GARNL3: variants seen among roughly 807,000 people sequenced by gnomAD.
GARNL3 encodes the protein GTPase-activating Rap/Ran-GAP domain-like protein 3.
A neutral mutation model predicts 125.0 loss-of-function variants in GARNL3; 63 were observed. That is an observed-to-expected ratio of 0.50 (90% CI 0.41 to 0.62). The LOEUF (loss-of-function observed/expected upper bound fraction) is 0.62. Ranked by LOEUF, GARNL3 falls within the 20% of genes least tolerant of loss-of-function variation. The probability of loss-of-function intolerance (pLI) is 0.00; values close to 1 mark genes in which losing one functional copy is unlikely to be tolerated. For missense variants in GARNL3, 994 were observed against 1,244.0 expected, an observed-to-expected ratio of 0.80 and a Z score of 3.02; for synonymous variants, 439 against 457.5, an observed-to-expected ratio of 0.96 and a Z score of 0.52.
At chr9:127,388,082 G>C (rs889819829) in intron 25 of GARNL3, among the ~76,000 whole-genome samples, 2 of 152,116 alleles carry the variant, frequency 1.3e-5, no homozygotes, top group Admixed American at 6.5e-5. Flanking sequence ...GGAGGTCAAG[G>C]CTGCATTGAG....
intron 1 of GARNL3, among the ~76,000 whole-genome samples, chr9:127,238,636 C>G (rs550578834): frequency 6.6e-6 from 1 of 152,358 alleles, no homozygotes; most frequent in Non-Finnish European, 1.5e-5. Flanking sequence ...CACTTCCACA[C>G]TGAATCATCC....
At chr9:127,309,787 C>T (rs1414769470) in intron 2 of GARNL3, among the ~76,000 whole-genome samples, 5 of 152,094 alleles carry the variant, frequency 3.3e-5, no homozygotes, top group Non-Finnish European at 5.9e-5. Context: ...TGAGAAAAGC[C>T]TCTTTGTAAA....
chr9:127,284,773 T>C (rs552145391), intron 1 of GARNL3, among the ~76,000 whole-genome samples: 1 of 151,364 alleles, frequency 6.6e-6, no homozygotes, highest in African/African-American at 2.4e-5. Context: ...ATAAATAAAT[T>C]TATACATGCA....
intron 16 of GARNL3, among the ~76,000 whole-genome samples, chr9:127,345,909 G>A (rs967894589): frequency 6.6e-6 from 1 of 152,228 alleles, no homozygotes; most frequent in East Asian, 1.9e-4. Context: ...CCTGGGCAGT[G>A]CTGCTCAAGC....
At chr9:127,301,557 A>G (rs1395474213) in intron 2 of GARNL3, among the ~76,000 whole-genome samples, 2 of 152,168 alleles carry the variant, frequency 1.3e-5, no homozygotes, top group Non-Finnish European at 2.9e-5. Flanking sequence ...CCTTCCTTAT[A>G]CCATCTGAGC....
At chr9:127,354,837 G>A (rs543957002) in intron 19 of GARNL3, among the ~76,000 whole-genome samples, 1 of 152,286 alleles carries the variant, frequency 6.6e-6, no homozygotes, top group African/African-American at 2.4e-5. Flanking sequence ...TTGTTGCCCA[G>A]GCTGGAGTGC....
At chr9:127,380,437 C>A (rs1832188376) in intron 22 of GARNL3, among the ~76,000 whole-genome samples, 1 of 151,880 alleles carries the variant, frequency 6.6e-6, no homozygotes, top group South Asian at 2.1e-4. Context: ...TACATATAAC[C>A]CAGCAATCTA....
chr9:127,341,839 G>T (rs1829875578), intron 13 of GARNL3, among the ~76,000 whole-genome samples: 1 of 152,200 alleles, frequency 6.6e-6, no homozygotes, highest in Non-Finnish European at 1.5e-5. Flanking sequence ...GAAGAATGCA[G>T]GCTCAAGGTG....
chr9:127,354,250 A>T, intron 18 of GARNL3, 44 bp from the exon 19 acceptor site: 2 of 1,489,922 alleles, frequency 1.3e-6, no homozygotes, highest in Non-Finnish European at 9.3e-7. Flanking sequence ...AGGTTACCTT[A>T]CTTTTCCATT....
chr9:127,330,001 A>G (rs1370917139), intron 7 of GARNL3, among the ~76,000 whole-genome samples: 1 of 152,102 alleles, frequency 6.6e-6, no homozygotes, highest in Non-Finnish European at 1.5e-5. Context: ...TCTTTAGTCT[A>G]GTGGTTCTCA....
intron 1 of GARNL3, among the ~76,000 whole-genome samples, chr9:127,267,178 G>A (rs557482501): frequency 2.6e-5 from 4 of 152,208 alleles, no homozygotes; most frequent in Admixed American, 6.5e-5. Flanking sequence ...TTGACCAAAC[G>A]TTCTTCAATC....
intron 2 of GARNL3, among the ~76,000 whole-genome samples, chr9:127,258,003 C>T (rs1220566514): frequency 6.6e-6 from 1 of 151,662 alleles, no homozygotes; most frequent in East Asian, 1.9e-4. Flanking sequence ...GTTTTAACCC[C>T]CTGTTGCAAT....
At position 127,311,648 on chromosome 9, in the gene GARNL3, C is replaced by G; in HGVS notation, c.232C>G (p.Leu78Val). The G allele has an allele frequency of 6.2e-7, 1 of 1,613,334 alleles. No individual in the cohort carries two copies. The highest frequency in any genetic ancestry group is 8.5e-7 in the Non-Finnish European group (1 of 1,179,274). ...NGSSDENATA[L>V]PGTWRRTDVH... ...TGTTCCATTACAGAATGCAACTGCCCTGCCTGGTACTTGGCGAAGAACAGA... is the reference window on the plus strand; with the variant it reads ...TGTTCCATTACAGAATGCAACTGCCGTGCCTGGTACTTGGCGAAGAACAGA... The change falls in exon 3 of 28, where the codon CTG (leucine) becomes GTG (valine). Residue 78 changes from leucine (L) to valine (V), a missense_variant. Around this residue, in one of 5 missense-constraint regions of GARNL3, gnomAD observed 139 missense variants for 231.6 expected, o/e 0.60. Coordinates refer to ENST00000373387, the MANE Select transcript of GARNL3 (RefSeq NM_032293.5).
intron 2 of GARNL3, among the ~76,000 whole-genome samples, chr9:127,247,682 G>A (rs901296577): frequency 4.6e-5 from 7 of 152,038 alleles, no homozygotes; most frequent in Non-Finnish European, 8.8e-5. Context: ...TATGGGATAC[G>A]TGAGATATTT....
At chr9:127,347,450 G>A (rs1032471585) in intron 16 of GARNL3, among the ~76,000 whole-genome samples, 22 of 152,108 alleles carry the variant, frequency 1.4e-4, no homozygotes, top group Admixed American at 1.2e-3. Context: ...AGGTAAAATG[G>A]CATATATATG....
At chr9:127,293,531 T>C (rs754836798) in intron 2 of GARNL3, among the ~76,000 whole-genome samples, 5 of 152,224 alleles carry the variant, frequency 3.3e-5, no homozygotes, top group Non-Finnish European at 5.9e-5. Context: ...CGAGAAACCA[T>C]TGCCTAATCC....
intron 22 of GARNL3, among the ~76,000 whole-genome samples, chr9:127,380,635 G>A (rs985702864): frequency 6.6e-6 from 1 of 152,168 alleles, no homozygotes; most frequent in African/African-American, 2.4e-5. Context: ...TGACACATGG[G>A]TGAGCCTCGA....
intron 22 of GARNL3, among the ~76,000 whole-genome samples, chr9:127,377,128 G>A (rs1300932106): frequency 6.6e-6 from 1 of 152,196 alleles, no homozygotes. Flanking sequence ...CATGAAGGAT[G>A]ATTATTTCTT....
chr9:127,231,235 T>TTG (rs1456328308), intron 1 of GARNL3, among the ~76,000 whole-genome samples: 2 of 139,030 alleles, frequency 1.4e-5, no homozygotes, highest in Non-Finnish European at 1.6e-5. Context: ...TTTGTTTTTT[T>TTG]TTTTTTTTTT....
Sources: gnomAD v4.1 joint callset for allele counts (sites outside exome capture counted in the v4.1 genomes callset) on GRCh38, gnomAD v4.1.1 for gene constraint, gnomAD v4.1.1 regional missense constraint, MANE v1.5 for transcripts, NCBI Gene and HGNC (gene_info 2026-07-23, HGNC 2026-07-21) for gene names.